The following TECR variants were observed in gnomAD, a reference collection of about 807,000 sequenced individuals.
The protein encoded by TECR is trans-2,3-enoyl-CoA reductase, also known as very-long-chain enoyl-CoA reductase.
A neutral mutation model predicts 50.6 loss-of-function variants in TECR; 19 were observed. The observed-to-expected ratio is 0.38, with a 90% confidence interval of 0.26 to 0.55. The LOEUF is 0.55. TECR is among the 20% of genes least tolerant of loss of function. The probability of loss-of-function intolerance (pLI) is 0.79; values close to 1 mark genes in which losing one functional copy is unlikely to be tolerated. For synonymous variants in TECR, 168 were observed against 163.5 expected (o/e 1.03, Z -0.21); for missense variants, 313 against 408.3 (o/e 0.77, Z 2.01).
intron 1 of TECR, among the ~76,000 whole-genome samples, chr19:14,543,338 A>G (rs2073166163): frequency 7.1e-6 from 1 of 141,362 alleles, no homozygotes; most frequent in African/African-American, 2.6e-5. Flanking sequence ...TCCTGAGGAG[A>G]CATGTATAGT....
chr19:14,544,919 C>A (rs1196513284), intron 1 of TECR, among the ~76,000 whole-genome samples: 1 of 152,122 alleles, frequency 6.6e-6, no homozygotes, highest in Non-Finnish European at 1.5e-5. Flanking sequence ...AGACAAGAGC[C>A]ACCATGCCCA....
intron 1 of TECR, among the ~76,000 whole-genome samples, chr19:14,559,107 C>G (rs2073830711): frequency 6.6e-6 from 1 of 152,138 alleles, no homozygotes; most frequent in African/African-American, 2.4e-5. Flanking sequence ...CCTGCTCCTC[C>G]CACCCGACTG....
In TECR at chr19:14,529,620, C is replaced by A. The variant is rs201564572; in HGVS notation, c.-77C>A. The A allele has an allele frequency of 3.1e-6, 5 of 1,608,122 alleles. No individual in the cohort carries two copies. Among genetic ancestry groups the A allele is most frequent in the African/African-American group, 2.7e-5 (2 of 74,802 alleles). Reference sequence around the variant, plus strand: ...TTTAGTCTATCGCTGCGGTTGCGAGCGCTGTAGGGAGCCTGTGCTGTGCCG... The same window carrying A: ...TTTAGTCTATCGCTGCGGTTGCGAGAGCTGTAGGGAGCCTGTGCTGTGCCG... On this transcript the variant is annotated 5_prime_UTR_variant, in exon 1 of 13. Transcript: ENST00000215567.
chr19:14,545,011 C>A (rs1251239325), intron 1 of TECR: 1 of 446,134 alleles, frequency 2.2e-6, no homozygotes, highest in Admixed American at 2.4e-5. Context: ...TCTCTGTTCC[C>A]TCCCTGGTCC....
rs1017221893 is a variant in TECR at position 14,535,329 on chromosome 19, A to G, written c.15+5618A>G. Among the ~76,000 whole-genome samples, 10 of 150,706 alleles carry G rather than the reference A, an allele frequency of 6.6e-5. No homozygotes were observed. The East Asian group carries it at 1.8e-3, about 27-fold the overall frequency. ...GAGACCATCCTGGCTAACACAGTGA[A>G]ACCCCGTCTCTACTAAAAAATAGAA... On this transcript the variant is annotated intron_variant, in intron 1 of 12. Transcript: ENST00000215567.
intron 1 of TECR, among the ~76,000 whole-genome samples, chr19:14,561,173 C>T (rs182329457): frequency 2.6e-5 from 4 of 152,304 alleles, no homozygotes; most frequent in African/African-American, 7.2e-5. Flanking sequence ...GGCCCGGTCT[C>T]CCTGGGCTCT....
At chr19:14,539,321 C>T (rs1229290889) in intron 1 of TECR, among the ~76,000 whole-genome samples, 1 of 151,970 alleles carries the variant, frequency 6.6e-6, no homozygotes, top group Middle Eastern at 3.2e-3. Context: ...ATGATCAGCT[C>T]TTTCCTTCTT....
At chr19:14,532,738 T>C (rs1956104001) in intron 1 of TECR, among the ~76,000 whole-genome samples, 1 of 152,158 alleles carries the variant, frequency 6.6e-6, no homozygotes, top group Admixed American at 6.6e-5. Flanking sequence ...ATGTGTGTAT[T>C]GTAGGTCAGT....
intron 1 of TECR, among the ~76,000 whole-genome samples, chr19:14,548,935 CATGGCGTGTTCA>C (rs569060577): frequency 6.6e-6 from 1 of 152,232 alleles, no homozygotes; most frequent in South Asian, 2.1e-4. Context: ...ATCCAGTGAG[CATGGCGTGTTCA>C]ATACAACTCT....
intron 1 of TECR, among the ~76,000 whole-genome samples, chr19:14,545,430 C>G (rs2073271645): frequency 6.6e-6 from 1 of 152,230 alleles, no homozygotes; most frequent in Non-Finnish European, 1.5e-5. Context: ...CTCCTCTCCA[C>G]AGCTCCTGGT....
intron 1 of TECR, among the ~76,000 whole-genome samples, chr19:14,560,559 C>G (rs561933154): frequency 1.3e-5 from 2 of 152,200 alleles, no homozygotes; most frequent in Non-Finnish European, 2.9e-5. Context: ...GTGGTGTGAC[C>G]GAGCTCTTTT....
At chr19:14,547,236 T>C (rs1326707006) in intron 1 of TECR, among the ~76,000 whole-genome samples, 2 of 152,188 alleles carry the variant, frequency 1.3e-5, no homozygotes, top group African/African-American at 4.8e-5. Flanking sequence ...CCTGTAAATG[T>C]TTATGTAAAA....
chr19:14,532,259 G>C (rs2072699760), intron 1 of TECR: 1 of 152,106 alleles, frequency 6.6e-6, no homozygotes, highest in African/African-American at 2.4e-5. Context: ...AGAAGGGGGA[G>C]CTTTGGCCAG....
chr19:14,565,574 G>A (rs1457706714), intron 11 of TECR, 44 bp from the exon 12 acceptor site: 5 of 1,590,334 alleles, frequency 3.1e-6, no homozygotes, highest in South Asian at 2.3e-5. Context: ...CCACATACAC[G>A]GGTTGCGAGG....
chr19:14,529,995 G>A (rs1015662796), intron 1 of TECR: 2 of 544,494 alleles, frequency 3.7e-6, no homozygotes, highest in Admixed American at 3.1e-5. Flanking sequence ...CTCCCCCAGC[G>A]GGCTGAGTTG....
At chr19:14,565,566 A>G in intron 11 of TECR, 52 bp from the exon 12 acceptor site, 1 of 1,582,544 alleles carries the variant, frequency 6.3e-7, no homozygotes, top group Admixed American at 1.8e-5. Context: ...CAGGACAGCC[A>G]CATACACGGG....
In TECR at chr19:14,563,253, G is replaced by T; in HGVS notation, c.114G>T (p.Lys38Asn). 6.2e-7 allele frequency: 1 copy of T among 1,613,776 alleles called. No individual in the cohort carries two copies. The highest frequency in any genetic ancestry group is 8.5e-7 in the Non-Finnish European group (1 of 1,179,746). The stretch of plus-strand genomic sequence containing the variant: ...CGGAGATCAAGAACCTCTTCACTAA[G>T]ACCCGTGAGTTCTAGTCCCGGCCAC... Reference protein sequence around the residue: ...TIAEIKNLFTKTHPQWYPARQ... With the variant: ...TIAEIKNLFTNTHPQWYPARQ... The change falls in exon 3 of 13, where the codon AAG (lysine) becomes AAT (asparagine). Residue 38 changes from lysine to asparagine, a missense_variant. Transcript: ENST00000215567. This position sits in a 1 kb window ranked among gnomAD's most constrained non-coding sequence, Gnocchi z 5.3.
Position 14,563,115 on chromosome 19 carries a change from A to G in TECR, c.67-91A>G, listed in dbSNP as rs760634686. 6.5e-7 allele frequency: 1 copy of G among 1,544,114 alleles called. No individual in the cohort carries two copies. Among genetic ancestry groups the G allele is most frequent in the Non-Finnish European group, 8.9e-7 (1 of 1,124,612 alleles). On this transcript the variant is annotated intron_variant, in intron 2 of 12. Coordinates refer to ENST00000215567, the MANE Select transcript of TECR (RefSeq NM_138501.6). The surrounding 1 kb of genome is among the most constrained non-coding windows in gnomAD (Gnocchi z 5.3). ...TTCCCCCTTCCCATAGCTACAGCCCAACCCCCAGCCTGCCATCCCCTTTAG... is the reference window on the plus strand; with the variant it reads ...TTCCCCCTTCCCATAGCTACAGCCCGACCCCCAGCCTGCCATCCCCTTTAG...
intron 1 of TECR, among the ~76,000 whole-genome samples, chr19:14,537,175 GGGGAA>G (rs2072930476): frequency 7.3e-6 from 1 of 137,056 alleles, no homozygotes; most frequent in South Asian, 2.5e-4. Context: ...CGGGGCCGGG[GGGGAA>G]GGGGAGGCCG....
Sources: gnomAD v4.1 joint callset for allele counts (sites outside exome capture counted in the v4.1 genomes callset) on GRCh38, gnomAD v4.1.1 for gene constraint, Gnocchi (gnomAD v3.1) non-coding constraint, MANE v1.5 for transcripts, NCBI Gene and HGNC (gene_info 2026-07-23, HGNC 2026-07-21) for gene names.